COX7B2: variants seen among roughly 807,000 people sequenced by gnomAD.
The protein encoded by COX7B2 is cytochrome c oxidase subunit 7B2, mitochondrial.
For missense variants in COX7B2, 109 were observed against 95.9 expected, an observed-to-expected ratio of 1.14 and a Z score of -0.57; for synonymous variants, 37 against 32.1, an observed-to-expected ratio of 1.15 and a Z score of -0.51.
intron 1 of COX7B2, chr4:46,903,876 C>A (rs1264108678): frequency 6.6e-6 from 1 of 152,130 alleles, no homozygotes; most frequent in Non-Finnish European, 1.5e-5. Context: ...ATGAACTCAC[C>A]TAATGATGCA....
chr4:46,881,008 A>AAAAAAAAATAAAAAAT (rs1560435071), intron 1 of COX7B2, among the ~76,000 whole-genome samples: 228 of 151,628 alleles, frequency 1.5e-3, no homozygotes, highest in African/African-American at 5.2e-3. Flanking sequence ...AAAAAAAAAA[A>AAAAAAAAATAAAAAAT]AAACTCTTGG....
In COX7B2 at chr4:46,840,224, C is replaced by G. The variant is rs1230301829; in HGVS notation, c.-50+4736G>C. On this transcript the variant is annotated intron_variant, in intron 2 of 2. Coordinates refer to ENST00000355591, the MANE Select transcript of COX7B2 (RefSeq NM_130902.3). ...GGAAGGGGCCTGAAGGAAGATGAGG[C>G]AAAAATCTGTATCAATAAGGCAGGA... Among the ~76,000 whole-genome samples the G allele has an allele frequency of 2.0e-5, 3 of 151,870 alleles. No individual in the cohort carries two copies. The East Asian group carries it at 5.8e-4, about 29-fold the overall frequency.
At chr4:46,781,128 G>T (rs1019393781) in intron 2 of COX7B2, among the ~76,000 whole-genome samples, 9 of 152,114 alleles carry the variant, frequency 5.9e-5, no homozygotes, top group African/African-American at 1.9e-4. Context: ...ATAGCTAGTA[G>T]ACTTACTATT....
intron 1 of COX7B2, among the ~76,000 whole-genome samples, chr4:46,847,972 C>G (rs1031817900): frequency 1.4e-4 from 21 of 152,076 alleles, no homozygotes; most frequent in Non-Finnish European, 2.9e-4. Flanking sequence ...TTGGTAGAAG[C>G]CAGAAAGTGT....
At chr4:46,890,136 T>G (rs1719343071) in intron 1 of COX7B2, among the ~76,000 whole-genome samples, 1 of 152,116 alleles carries the variant, frequency 6.6e-6, no homozygotes, top group South Asian at 2.1e-4. Flanking sequence ...CTGAGCAGAA[T>G]CTGGAATGAG....
chr4:46,804,133 C>T (rs543494491), intron 2 of COX7B2, among the ~76,000 whole-genome samples: 120 of 151,956 alleles, frequency 7.9e-4, no homozygotes, highest in African/African-American at 2.2e-3. Flanking sequence ...CTTAAGGCGG[C>T]GCGTCTGGAG....
chr4:46,839,847 G>T (rs143388185), intron 2 of COX7B2, among the ~76,000 whole-genome samples: 2 of 152,150 alleles, frequency 1.3e-5, no homozygotes, highest in African/African-American at 4.8e-5. Flanking sequence ...CATGGTAATG[G>T]TGGGTCTTAA....
At chr4:46,762,573 G>A (rs1716252091) in intron 2 of COX7B2, among the ~76,000 whole-genome samples, 1 of 147,866 alleles carries the variant, frequency 6.8e-6, no homozygotes, top group Non-Finnish European at 1.5e-5. Context: ...GAAAATTTTA[G>A]ATATGCTGCT....
Position 46,735,029 on chromosome 4 carries a change from A to C in COX7B2, c.164T>G (p.Val55Gly). The C allele has an allele frequency of 6.2e-7, 1 of 1,614,016 alleles. No individual in the cohort carries two copies. Among genetic ancestry groups the C allele is most frequent in the South Asian group, 1.1e-5 (1 of 91,070 alleles). ...TATTCCAATCTGAGTGGCTGTAAAC[A>C]CCCATGTAGCAACACAGAAAGCAGT... The part of the protein sequence containing the change: ...SGTAFCVATW[V>G]FTATQIGIEW... The change falls in exon 3 of 3, where the codon GTG (valine) becomes GGG (glycine). Residue 55 changes from valine to glycine, a missense_variant. Physicochemically the swap from Val to Gly is moderately radical, Grantham distance 109. Coordinates refer to ENST00000355591, the MANE Select transcript of COX7B2 (RefSeq NM_130902.3).
At chr4:46,783,747 C>A (rs1176692780) in intron 2 of COX7B2, among the ~76,000 whole-genome samples, 2 of 151,008 alleles carry the variant, frequency 1.3e-5, no homozygotes, top group African/African-American at 4.9e-5. Context: ...AAGGGAAGGG[C>A]AGGGCAGGAA....
At chr4:46,897,764 C>T (rs957665420) in intron 1 of COX7B2, among the ~76,000 whole-genome samples, 4 of 152,168 alleles carry the variant, frequency 2.6e-5, no homozygotes, top group African/African-American at 9.7e-5. Flanking sequence ...TGTAAATTTA[C>T]ATGGACACAA....
chr4:46,807,075 A>T (rs897554277), intron 2 of COX7B2, among the ~76,000 whole-genome samples: 5 of 151,600 alleles, frequency 3.3e-5, no homozygotes, highest in African/African-American at 1.2e-4. Context: ...TCTATTTTAA[A>T]TTTTTTTAGA....
intron 2 of COX7B2, among the ~76,000 whole-genome samples, chr4:46,805,342 C>G (rs890541510): frequency 9.9e-5 from 15 of 152,250 alleles, no homozygotes; most frequent in Non-Finnish European, 1.9e-4. Context: ...TGCCAGCACG[C>G]TGTCACCTCT....
rs190105031 is a variant in COX7B2 at position 46,788,956 on chromosome 4, C to T, written c.-49-53715G>A. On this transcript the variant is annotated intron_variant, in intron 2 of 2. Transcript: ENST00000355591. The stretch of plus-strand genomic sequence containing the variant: ...AGTTCTAATAAGCACCATGCTCACT[C>T]GGCCTGTTTCCTAAAATATCTGCTT... Among the ~76,000 whole-genome samples the T allele has an allele frequency of 5.3e-4, 80 of 152,240 alleles. 1 individual carries two copies. Among genetic ancestry groups the T allele is most frequent in the Middle Eastern group, 3.4e-3 (1 of 294 alleles).
chr4:46,752,092 C>CTATTTA (rs1715420993), intron 2 of COX7B2, among the ~76,000 whole-genome samples: 1 of 151,924 alleles, frequency 6.6e-6, no homozygotes. Context: ...CTTTTATTTC[C>CTATTTA]TTGTGCAGTG....
intron 1 of COX7B2, among the ~76,000 whole-genome samples, chr4:46,900,380 TTAAA>T (rs771821074): frequency 7.2e-5 from 11 of 152,102 alleles, no homozygotes; most frequent in East Asian, 1.9e-4. Context: ...CTCCTTGCCC[TTAAA>T]TAAGCAGAGA....
intron 1 of COX7B2, among the ~76,000 whole-genome samples, chr4:46,879,247 C>T (rs1199392146): frequency 6.6e-6 from 1 of 152,106 alleles, no homozygotes; most frequent in Admixed American, 6.5e-5. Context: ...CCTAACTCAG[C>T]CTTCCAAGTA....
intron 2 of COX7B2, among the ~76,000 whole-genome samples, chr4:46,740,402 T>C (rs1169694831): frequency 6.6e-6 from 1 of 152,120 alleles, no homozygotes; most frequent in Non-Finnish European, 1.5e-5. Context: ...TTTGGTTTTA[T>C]CGTTGTATTA....
At chr4:46,811,338 T>A (rs185494162) in intron 2 of COX7B2, among the ~76,000 whole-genome samples, 6 of 151,940 alleles carry the variant, frequency 3.9e-5, no homozygotes, top group Admixed American at 3.3e-4. Context: ...TTTTTTTTTT[T>A]AACTATTTTA....
Sources: gnomAD v4.1 joint callset for allele counts (sites outside exome capture counted in the v4.1 genomes callset) on GRCh38, gnomAD v4.1.1 for gene constraint, MANE v1.5 for transcripts, NCBI Gene and HGNC (gene_info 2026-07-23, HGNC 2026-07-21) for gene names.